The following ZNF492 variants were observed in gnomAD, a reference collection of about 807,000 sequenced individuals.
ZNF492 encodes the protein zinc finger protein 115 (Y20).
ZNF492 carries 3 observed loss-of-function variants against 6.4 expected under a neutral mutation model. The ratio of observed to expected loss-of-function variants is 0.47; its 90% CI spans 0.21 to 1.22. The LOEUF is 1.22. Among genes scored for constraint, ZNF492 ranks in the 50% most tolerant of loss-of-function variants. ZNF492 has a pLI of 0.22. For synonymous variants in ZNF492, 112 were observed against 205.3 expected (o/e 0.55, Z 3.89); for missense variants, 356 against 612.5 (o/e 0.58, Z 4.42).
chr19:22,660,747 T>G (rs915252011), intron 3 of ZNF492, among the ~76,000 whole-genome samples: 4 of 152,048 alleles, frequency 2.6e-5, no homozygotes, highest in Non-Finnish European at 5.9e-5. Context: ...ATGTGTTTTT[T>G]TTTTTAATAC....
Position 22,664,076 on chromosome 19 carries a change from C to T in ZNF492, c.407C>T (p.Thr136Ile), listed in dbSNP as rs1455862340. 3 of 1,603,382 alleles carry T rather than the reference C, an allele frequency of 1.9e-6. No homozygotes were observed. The highest frequency in any genetic ancestry group is 2.6e-6 in the Non-Finnish European group (3 of 1,174,514). The change falls in exon 4 of 4, where the codon ACT becomes ATT. Residue 136 changes from threonine to isoleucine, a missense_variant. Transcript: ENST00000456783. Reference sequence around the variant, plus strand: ...TCAAACAGACATACGATAAGACATACTGGAAAGAAATCTTTCAAATGTAAA... The same window carrying T: ...TCAAACAGACATACGATAAGACATATTGGAAAGAAATCTTTCAAATGTAAA... ...SNSNRHTIRH[T>I]GKKSFKCKEC...
At chr19:22,661,880 A>G (rs1360001223) in intron 3 of ZNF492, among the ~76,000 whole-genome samples, 1 of 152,142 alleles carries the variant, frequency 6.6e-6, no homozygotes, top group East Asian at 1.9e-4. Flanking sequence ...ACAGGTTTGA[A>G]CCACCAAACT....
chr19:22,665,184 C>G lies in ZNF492; in HGVS notation c.1515C>G (p.Tyr505Ter). 6 of 1,604,698 alleles carry G rather than the reference C, an allele frequency of 3.7e-6. No individual in the cohort carries two copies. The highest frequency in any genetic ancestry group is 5.1e-6 in the Non-Finnish European group (6 of 1,176,836). The stretch of plus-strand genomic sequence containing the variant: ...TGATTCATACTGGAGAGAAACTCTA[C>G]AAACCTGAAAGTTGTAACAATGCTT... ...HKMIHTGEKL[Y>*]KPESCNNACD... is the part of the protein sequence containing the mutation. Residue 505 changes from tyrosine (Y) to a stop codon, truncating the protein, a stop_gained, in exon 4 of 4, where the codon TAC (tyrosine) becomes TAG (stop). Transcript: ENST00000456783. LOFTEE classifies it low-confidence loss of function (END_TRUNC).
intron 3 of ZNF492, among the ~76,000 whole-genome samples, chr19:22,657,733 A>G (rs747566330): frequency 6.6e-6 from 1 of 152,028 alleles, no homozygotes; most frequent in East Asian, 1.9e-4. Context: ...TGGTTTTACA[A>G]TTTTAGACAA....
chr19:22,642,554 T>C (rs996809089), intron 1 of ZNF492, among the ~76,000 whole-genome samples: 3 of 150,412 alleles, frequency 2.0e-5, no homozygotes, highest in Non-Finnish European at 2.9e-5. Context: ...CACGCCCGGC[T>C]AATTTTTTAT....
chr19:22,658,395 AGAGT>A (rs1223970798), intron 3 of ZNF492, among the ~76,000 whole-genome samples: 1 of 151,662 alleles, frequency 6.6e-6, no homozygotes, highest in Non-Finnish European at 1.5e-5. Context: ...CTTGGGTGAC[AGAGT>A]GAGACCCTGA....
intron 1 of ZNF492, among the ~76,000 whole-genome samples, chr19:22,638,286 G>A (rs1971788110): frequency 6.6e-6 from 1 of 151,796 alleles, no homozygotes; most frequent in Admixed American, 6.6e-5. Context: ...AATTTTTGCC[G>A]GCTTCTATTT....
rs771366830 is a variant in ZNF492 at position 22,664,585 on chromosome 19, G to A, written c.916G>A (p.Glu306Lys). 3.4e-5 allele frequency: 54 copies of A among 1,610,330 alleles called. No homozygotes were observed. In the East Asian group the frequency reaches 5.8e-4, roughly 17 times the overall value. ...LTTHKIIHTG[E>K]KFYKCEECGK... ...TACACATAAGATAATTCATACTGGA[G>A]AGAAATTCTACAAATGTGAAGAATG... Residue 306 changes from glutamate to lysine, a missense_variant, in exon 4 of 4, where the codon GAG (glutamate) becomes AAG (lysine). By Grantham distance (56) the Glu-to-Lys change is moderately conservative. Coordinates refer to ENST00000456783, the MANE Select transcript of ZNF492 (RefSeq NM_020855.3).
At chr19:22,645,861 T>C (rs564238818) in intron 1 of ZNF492, among the ~76,000 whole-genome samples, 1 of 152,334 alleles carries the variant, frequency 6.6e-6, no homozygotes, top group South Asian at 2.1e-4. Flanking sequence ...GAGGTTTCTT[T>C]TCTGTTCCAT....
At chr19:22,634,551 C>T (rs1971740378) in intron 1 of ZNF492, 77 bp downstream of exon 1, 1 of 1,275,514 alleles carries the variant, frequency 7.8e-7, no homozygotes, top group Admixed American at 1.7e-5. Context: ...TGTGGCGGGA[C>T]TCAGGCCTCC....
chr19:22,663,527 A>T (rs1972078948), intron 3 of ZNF492, among the ~76,000 whole-genome samples: 1 of 152,180 alleles, frequency 6.6e-6, no homozygotes, highest in African/African-American at 2.4e-5. Context: ...AAGCAGGAAG[A>T]TCTGCACTGG....
At chr19:22,662,645 ATC>A (rs1440901597) in intron 3 of ZNF492, among the ~76,000 whole-genome samples, 1 of 151,198 alleles carries the variant, frequency 6.6e-6, no homozygotes, top group Non-Finnish European at 1.5e-5. Context: ...ATGAGATGGT[ATC>A]TCATTGTGGT....
rs1253734885 is a variant in ZNF492 at position 22,663,595 on chromosome 19, G to A, written c.131-205G>A. 2.6e-5 allele frequency among the ~76,000 whole-genome samples: 4 copies of A among 152,122 alleles called. No individual in the cohort carries two copies. The East Asian group carries it at 5.8e-4, about 22-fold the overall frequency. On this transcript the variant is annotated intron_variant, in intron 3 of 3. Coordinates refer to ENST00000456783, the MANE Select transcript of ZNF492 (RefSeq NM_020855.3). ...GACTCTTTGCATTGGGCTCACCTGG[G>A]GCACTGCACACACTTAACTTACTTT...
intron 3 of ZNF492, among the ~76,000 whole-genome samples, chr19:22,657,334 TC>T (rs1329147149): frequency 1.3e-5 from 2 of 152,172 alleles, no homozygotes; most frequent in African/African-American, 2.4e-5. Flanking sequence ...ATATATTTTT[TC>T]TTTATTTAGC....
intron 1 of ZNF492, among the ~76,000 whole-genome samples, chr19:22,646,980 C>T (rs1371916690): frequency 6.6e-6 from 1 of 152,070 alleles, no homozygotes; most frequent in African/African-American, 2.4e-5. Context: ...ACCTCCGCCT[C>T]CTGGGTTCAA....
intron 1 of ZNF492, among the ~76,000 whole-genome samples, chr19:22,638,006 T>C (rs1402968226): frequency 4.6e-5 from 7 of 152,234 alleles, no homozygotes; most frequent in Non-Finnish European, 8.8e-5. Context: ...GTTAACCACA[T>C]GTATGTCTTC....
chr19:22,662,125 G>A (rs571077723), intron 3 of ZNF492, among the ~76,000 whole-genome samples: 6 of 152,020 alleles, frequency 3.9e-5, no homozygotes, highest in South Asian at 4.2e-4. Flanking sequence ...GATGTTCCCC[G>A]CCCTGTGTCC....
rs186230086 is a variant in ZNF492, at chr19:22,647,673, C to T, written c.-93-5634C>T. On this transcript the variant is annotated intron_variant, in intron 1 of 3. Transcript: ENST00000456783. Reference sequence around the variant, plus strand: ...TGCTCTCATCTTAGCTATTTCTTGTCCTCTGCTAGCTTTTGGAATTGGATT... The same window carrying T: ...TGCTCTCATCTTAGCTATTTCTTGTTCTCTGCTAGCTTTTGGAATTGGATT... 4.0e-5 allele frequency among the ~76,000 whole-genome samples: 6 copies of T among 149,910 alleles called. No homozygotes were observed. The East Asian group carries it at 1.2e-3, about 29-fold the overall frequency.
At chr19:22,634,566 A>G (rs1971740635) in intron 1 of ZNF492, 92 bp downstream of exon 1, 5 of 1,202,384 alleles carry the variant, frequency 4.2e-6, no homozygotes, top group Non-Finnish European at 6.0e-6. Context: ...GCCTCCCCGC[A>G]GTCGGCTCCA....
Sources: allele counts gnomAD v4.1 joint callset (sites outside exome capture counted in the v4.1 genomes callset), GRCh38; gene constraint gnomAD v4.1.1; transcripts MANE v1.5; gene names NCBI Gene and HGNC (gene_info 2026-07-23, HGNC 2026-07-21).